TTC7B: variants seen among roughly 807,000 people sequenced by gnomAD.
The protein encoded by TTC7B is tetratricopeptide repeat protein 7B.
In TTC7B, 28 loss-of-function variants were observed where a neutral mutation model predicts 106.8. The observed-to-expected ratio is 0.26, with a 90% CI of 0.19 to 0.36. The LOEUF is 0.36. Ranked by LOEUF, TTC7B falls within the 10% of genes least tolerant of loss-of-function variation. The pLI is 1.00. For synonymous variants in TTC7B, 405 were observed against 430.6 expected (o/e 0.94, Z 0.74); for missense variants, 862 against 1,076.4 (o/e 0.80, Z 2.79).
At chr14:90,628,334 T>A (rs1418295124) in intron 15 of TTC7B, among the ~76,000 whole-genome samples, 1 of 152,212 alleles carries the variant, frequency 6.6e-6, no homozygotes, top group Non-Finnish European at 1.5e-5. Flanking sequence ...GCCTCTTCTG[T>A]TCTGCCACCC....
chr14:90,604,731 C>T (rs570439382), intron 17 of TTC7B, among the ~76,000 whole-genome samples: 127 of 152,154 alleles, frequency 8.3e-4, no homozygotes, highest in Non-Finnish European at 1.6e-3. Flanking sequence ...ATGGGCTCCC[C>T]GGGTCAGATT....
At chr14:90,797,219 C>T (rs2140052015) in intron 1 of TTC7B, among the ~76,000 whole-genome samples, 1 of 104,690 alleles carries the variant, frequency 9.6e-6, no homozygotes. Context: ...CTTTGGGGGG[C>T]CAAGGTGGGT....
chr14:90,735,244 G>A (rs1471830218), intron 4 of TTC7B, among the ~76,000 whole-genome samples: 1 of 152,182 alleles, frequency 6.6e-6, no homozygotes, highest in African/African-American at 2.4e-5. Flanking sequence ...GGTGGCTCAC[G>A]CCTGTAATCC....
intron 3 of TTC7B, among the ~76,000 whole-genome samples, chr14:90,767,501 C>G (rs781500939): frequency 1.3e-4 from 20 of 152,148 alleles, no homozygotes; most frequent in Non-Finnish European, 2.2e-4. Flanking sequence ...GGAGTAGATT[C>G]ATTATAAGAG....
rs148666586 is a variant in TTC7B, at chr14:90,739,358, T to A, written c.576+5434A>T. ...TCACATTTTAAAGTCAGAAGCACAA[T>A]CACCTGGCCCTCTGGAGCCACAGCC... is the stretch of plus-strand genomic sequence containing the variant. On this transcript the variant is annotated intron_variant, in intron 4 of 19. Transcript: ENST00000328459. Among the ~76,000 whole-genome samples the A allele has an allele frequency of 1.3e-4, 20 of 152,290 alleles. No homozygotes were observed. In the East Asian group the frequency reaches 3.7e-3, roughly 28 times the overall value.
chr14:90,610,858 A>C lies in TTC7B; in HGVS notation c.1869-19T>G. On this transcript the variant is annotated intron_variant, in intron 16 of 19. Transcript: ENST00000328459. ...AGAATCACTGCAAAACACAGCTACA[A>C]ATGTCAGTCACCTGCAAGGTGGGAG... 2.5e-6 allele frequency: 4 copies of C among 1,585,608 alleles called. No homozygotes were observed. In the African/African-American group the frequency reaches 5.4e-5, roughly 21 times the overall value.
At chr14:90,665,224 C>T (rs557416419) in intron 9 of TTC7B, among the ~76,000 whole-genome samples, 204 of 152,278 alleles carry the variant, frequency 1.3e-3, no homozygotes, top group African/African-American at 4.8e-3. Context: ...TAGGTCCATT[C>T]GCTGTAATCA....
chr14:90,655,869 T>TA (rs1293695350), intron 11 of TTC7B, among the ~76,000 whole-genome samples: 4 of 152,286 alleles, frequency 2.6e-5, no homozygotes, highest in South Asian at 2.1e-4. Flanking sequence ...TTATTTTTTT[T>TA]AAAAAAAAGA....
In TTC7B at chr14:90,541,221, T is replaced by C; in HGVS notation, c.*147A>G. ...ACATGGCGAGAGCGATGATTCGGGG[T>C]TGGTTTGGTTGGTTCACTGTGGCCC... is the stretch of plus-strand genomic sequence containing the variant. On this transcript the variant is annotated 3_prime_UTR_variant, in exon 20 of 20. Transcript: ENST00000328459. The C allele has an allele frequency of 1.7e-6, 1 of 588,422 alleles. No individual in the cohort carries two copies. Among genetic ancestry groups the C allele is most frequent in the Admixed American group, 3.4e-5 (1 of 29,208 alleles). 36.5% of individuals were successfully genotyped at this position (588,422 alleles called of 1,614,324 possible).
At chr14:90,604,338 C>T (rs1314651095) in intron 17 of TTC7B, among the ~76,000 whole-genome samples, 1 of 152,228 alleles carries the variant, frequency 6.6e-6, no homozygotes, top group African/African-American at 2.4e-5. Flanking sequence ...GCATGAAAAA[C>T]AACATACACG....
chr14:90,602,350 G>C (rs1892459347), intron 17 of TTC7B: 5 of 401,878 alleles, frequency 1.2e-5, no homozygotes, highest in South Asian at 9.3e-5. Context: ...GAGAATCAGT[G>C]GTCTAAGAAA....
At chr14:90,623,299 A>AATGAG (rs1884290750) in intron 15 of TTC7B, among the ~76,000 whole-genome samples, 1 of 152,136 alleles carries the variant, frequency 6.6e-6, no homozygotes, top group Non-Finnish European at 1.5e-5. Flanking sequence ...CTTAACGACA[A>AATGAG]CCCTGCAAAT....
intron 11 of TTC7B, 71 bp from the exon 12 acceptor site, chr14:90,655,181 G>A (rs931215483): frequency 5.5e-5 from 65 of 1,183,238 alleles, no homozygotes; most frequent in Non-Finnish European, 7.8e-5. Flanking sequence ...ATAAGCGTCT[G>A]CTGCCAAAAT....
intron 2 of TTC7B, 53 bp from the exon 3 acceptor site, chr14:90,780,959 T>A (rs2140036202): frequency 6.4e-7 from 1 of 1,555,736 alleles, no homozygotes; most frequent in East Asian, 2.2e-5. Flanking sequence ...TCAGGCATGA[T>A]GCTCCCTCAG....
At chr14:90,545,095 G>A (rs772303400) in intron 19 of TTC7B, among the ~76,000 whole-genome samples, 4 of 152,152 alleles carry the variant, frequency 2.6e-5, no homozygotes, top group African/African-American at 7.2e-5. Flanking sequence ...GAAAGGCCAC[G>A]TTCTTGCCCC....
At chr14:90,730,336 G>T in intron 4 of TTC7B, 140 bp from the exon 5 acceptor site, 1 of 992,840 alleles carries the variant, frequency 1.0e-6, no homozygotes, top group Non-Finnish European at 1.4e-6. Flanking sequence ...AGGTGTAGAA[G>T]TGCAAGCATT....
intron 17 of TTC7B, among the ~76,000 whole-genome samples, chr14:90,605,917 T>C (rs1184494624): frequency 6.6e-6 from 1 of 152,222 alleles, no homozygotes; most frequent in Non-Finnish European, 1.5e-5. Flanking sequence ...AGAATACAAG[T>C]GCTTTTCGAA....
intron 1 of TTC7B, among the ~76,000 whole-genome samples, chr14:90,793,281 T>C (rs1891648613): frequency 1.3e-5 from 2 of 152,086 alleles, no homozygotes; most frequent in African/African-American, 4.8e-5. Flanking sequence ...CCCAGCACTT[T>C]GGGAGGCCAA....
intron 15 of TTC7B, among the ~76,000 whole-genome samples, chr14:90,620,510 T>C (rs571237531): frequency 1.6e-4 from 25 of 152,130 alleles, no homozygotes; most frequent in Admixed American, 5.2e-4. Flanking sequence ...CAGGTCACCA[T>C]TGGGTAGAGA....
Sources: gnomAD v4.1 joint callset for allele counts (sites outside exome capture counted in the v4.1 genomes callset) on GRCh38, gnomAD v4.1.1 for gene constraint, MANE v1.5 for transcripts, NCBI Gene and HGNC (gene_info 2026-07-23, HGNC 2026-07-21) for gene names.